Variants in MRTFB observed in about 807,000 individuals in gnomAD.
The protein encoded by MRTFB is myocardin-related transcription factor B.
Under a neutral mutation model 104.2 loss-of-function variants are expected in MRTFB, and 29 were observed. The observed-to-expected ratio is 0.28, with a 90% CI of 0.21 to 0.38. The LOEUF (loss-of-function observed/expected upper bound fraction) is 0.38, where lower values mean the gene tolerates loss of function less well. Ranked by LOEUF, MRTFB falls within the 10% of genes least tolerant of loss-of-function variation. MRTFB has a pLI of 1.00. For synonymous variants in MRTFB, 535 were observed against 519.5 expected (o/e 1.03, Z -0.41); for missense variants, 1,270 against 1,341.6 (o/e 0.95, Z 0.83).
chr16:14,126,171 ACT>A (rs1323736700), intron 2 of MRTFB, among the ~76,000 whole-genome samples: 2 of 151,942 alleles, frequency 1.3e-5, no homozygotes, highest in Non-Finnish European at 2.9e-5. Flanking sequence ...AACAATACCC[ACT>A]CTCTAAAAGC....
chr16:14,062,922 G>T, the MRTFB span, among the ~76,000 whole-genome samples: 1 of 152,278 alleles, frequency 6.6e-6, no homozygotes, highest in East Asian at 1.9e-4. Context: ...CCCAAAGCCA[G>T]CCACTTCTGC....
At chr16:14,242,025 TCA>T (rs1209913482) in intron 10 of MRTFB, among the ~76,000 whole-genome samples, 49 of 151,038 alleles carry the variant, frequency 3.2e-4, no homozygotes, top group Non-Finnish European at 5.6e-4. Flanking sequence ...TAATGATGTC[TCA>T]CAGTTACTAC....
At position 14,231,146 on chromosome 16, in the gene MRTFB, G is replaced by A. The variant is rs1429456424; in HGVS notation, c.694-3000G>A. Among the ~76,000 whole-genome samples, 6 of 149,184 alleles carry A rather than the reference G, an allele frequency of 4.0e-5. No individual in the cohort carries two copies. The East Asian group carries it at 1.2e-3, about 30-fold the overall frequency. ...TGGGGACTGTTGTGGGGTAAGGGGAGGGGGGAGGGATAGCATTAGGAGATA... is the reference window on the plus strand; with the variant it reads ...TGGGGACTGTTGTGGGGTAAGGGGAAGGGGGAGGGATAGCATTAGGAGATA... On this transcript the variant is annotated intron_variant, in intron 8 of 16. Transcript: ENST00000571589.
chr16:14,230,136 A>G (rs1007499416), intron 8 of MRTFB, among the ~76,000 whole-genome samples: 5 of 152,186 alleles, frequency 3.3e-5, no homozygotes, highest in Non-Finnish European at 4.4e-5. Context: ...TTAATTCAAG[A>G]TGGATTAAAG....
At chr16:13,995,632 T>G in the MRTFB span, among the ~76,000 whole-genome samples, 1 of 152,216 alleles carries the variant, frequency 6.6e-6, no homozygotes, top group Non-Finnish European at 1.5e-5. Context: ...TAGGTTTAAT[T>G]GGCTCATGGT....
chr16:14,002,208 C>T, the MRTFB span, among the ~76,000 whole-genome samples: 4 of 152,036 alleles, frequency 2.6e-5, no homozygotes, highest in Non-Finnish European at 4.4e-5. Flanking sequence ...CATGGTGAAA[C>T]CCTGTCTCTA....
chr16:14,099,468 T>G (rs1184960751), intron 2 of MRTFB, among the ~76,000 whole-genome samples: 1 of 151,292 alleles, frequency 6.6e-6, no homozygotes, highest in African/African-American at 2.4e-5. Flanking sequence ...CTCCGCCTCC[T>G]TGGCTCAAGT....
intron 3 of MRTFB, among the ~76,000 whole-genome samples, chr16:14,164,658 G>GT (rs1366839246): frequency 6.6e-6 from 1 of 152,140 alleles, no homozygotes; most frequent in Non-Finnish European, 1.5e-5. Context: ...ACTGCACTTG[G>GT]TGCTTTTTGC....
intron 1 of MRTFB, among the ~76,000 whole-genome samples, chr16:14,073,701 A>G (rs757527113): frequency 1.3e-5 from 2 of 152,218 alleles, no homozygotes; most frequent in Non-Finnish European, 2.9e-5. Context: ...CAACAACAAT[A>G]ATGTGTAGAA....
At chr16:14,061,566 CTT>C in the MRTFB span, among the ~76,000 whole-genome samples, 12 of 102,610 alleles carry the variant, frequency 1.2e-4, no homozygotes, top group Non-Finnish European at 7.8e-5. Context: ...TCAAGGTCAT[CTT>C]TTTTTTTTTT....
At chr16:14,040,931 T>C in the MRTFB span, among the ~76,000 whole-genome samples, 4 of 152,064 alleles carry the variant, frequency 2.6e-5, no homozygotes, top group Non-Finnish European at 5.9e-5. Context: ...CTGGGCAAGA[T>C]AGCAAGACCC....
chr16:14,126,996 T>C (rs774208317), intron 2 of MRTFB, among the ~76,000 whole-genome samples: 1 of 152,188 alleles, frequency 6.6e-6, no homozygotes, highest in African/African-American at 2.4e-5. Flanking sequence ...ACCTGACATA[T>C]AGTATCTCAC....
the MRTFB span, among the ~76,000 whole-genome samples, chr16:14,061,709 C>A: frequency 2.6e-5 from 4 of 151,860 alleles, no homozygotes; most frequent in Non-Finnish European, 5.9e-5. Flanking sequence ...GTAATGGAAC[C>A]ACTTTACACC....
intron 3 of MRTFB, among the ~76,000 whole-genome samples, chr16:14,204,975 A>G (rs573396186): frequency 4.6e-5 from 7 of 152,362 alleles, no homozygotes; most frequent in African/African-American, 1.7e-4. Flanking sequence ...CCTAAGTGAT[A>G]AACAGGGACT....
the MRTFB span, among the ~76,000 whole-genome samples, chr16:14,014,415 G>A: frequency 6.6e-6 from 1 of 152,184 alleles, no homozygotes; most frequent in Non-Finnish European, 1.5e-5. Context: ...AGTTAGCTGG[G>A]CATGGTGGCA....
intron 2 of MRTFB, among the ~76,000 whole-genome samples, chr16:14,116,586 C>A (rs79809670): frequency 0.06 from 9,031 of 151,412 alleles, 833 homozygotes; most frequent in African/African-American, 0.2. Context: ...AGCTTCTAGA[C>A]GTGGTTCTAA....
chr16:14,243,864 G>GTTTTTTTTTTTTTTTTTTTTTTTTT lies in MRTFB; in HGVS notation c.1080-1651_1080-1650insTTTTTTTTTTTTTTTTTTTTTTTTT, dbSNP rs56296807. Among the ~76,000 whole-genome samples, 47 of 124,632 alleles carry GTTTTTTTTTTTTTTTTTTTTTTTTT rather than the reference G, an allele frequency of 3.8e-4. 5 individuals carry two copies. The highest frequency in any genetic ancestry group is 4.2e-3 in the Middle Eastern group (1 of 240). 81.8% of individuals were successfully genotyped at this position (124,632 alleles called of 152,430 possible). ...CAGAGATTAGTTTTGCCTGTTTTGG[G>GTTTTTTTTTTTTTTTTTTTTTTTTT]TTTTTTTTTTTTTGAGACAGAGTCT... On this transcript the variant is annotated intron_variant, in intron 10 of 16. Transcript: ENST00000571589.
At chr16:14,239,260 T>C (rs2042658539) in intron 9 of MRTFB, among the ~76,000 whole-genome samples, 1 of 152,244 alleles carries the variant, frequency 6.6e-6, no homozygotes, top group African/African-American at 2.4e-5. Flanking sequence ...AAAGGAAGGA[T>C]ATAAACAAGA....
chr16:14,066,761 C>G (rs892784908), upstream of MRTFB, among the ~76,000 whole-genome samples: 2 of 152,080 alleles, frequency 1.3e-5, no homozygotes, highest in African/African-American at 4.8e-5. Context: ...CAACCCCCAA[C>G]TCCCTCTCCC....
Sources: gnomAD v4.1 joint callset for allele counts (sites outside exome capture counted in the v4.1 genomes callset) on GRCh38, gnomAD v4.1.1 for gene constraint, MANE v1.5 for transcripts, NCBI Gene and HGNC (gene_info 2026-07-23, HGNC 2026-07-21) for gene names.